ADCY10: variants seen among roughly 807,000 people sequenced by gnomAD.
ADCY10 encodes adenylate cyclase 10, also known as adenylate cyclase type 10.
ADCY10 carries 156 observed loss-of-function variants against 183.3 expected under a neutral mutation model. The observed-to-expected ratio is 0.85, with a 90% confidence interval of 0.75 to 0.97. The LOEUF is 0.97. Ranked by LOEUF, ADCY10 falls within the 50% of genes least tolerant of loss-of-function variation. The probability of loss-of-function intolerance (pLI) is 0.00; values close to 1 mark genes in which losing one functional copy is unlikely to be tolerated. For missense variants in ADCY10, 1,745 were observed against 1,934.3 expected, an observed-to-expected ratio of 0.90 and a Z score of 1.84; for synonymous variants, 645 against 670.0, an observed-to-expected ratio of 0.96 and a Z score of 0.58.
chr1:167,862,005 C>G (rs753833990), intron 14 of ADCY10, among the ~76,000 whole-genome samples: 1 of 152,192 alleles, frequency 6.6e-6, no homozygotes, highest in Admixed American at 6.5e-5. Flanking sequence ...CTGAGGCCTC[C>G]CTAGCCATGT....
intron 18 of ADCY10, among the ~76,000 whole-genome samples, chr1:167,849,024 GC>G (rs1232589231): frequency 1.3e-4 from 19 of 151,180 alleles, no homozygotes; most frequent in African/African-American, 4.6e-4. Context: ...TGCCAACCCT[GC>G]CCAACCAAAA....
chr1:167,879,048 C>A (rs1272182273), intron 11 of ADCY10, among the ~76,000 whole-genome samples: 3 of 152,218 alleles, frequency 2.0e-5, no homozygotes, highest in Non-Finnish European at 4.4e-5. Context: ...CTGCATGCTC[C>A]TATGAATAAA....
intron 8 of ADCY10, among the ~76,000 whole-genome samples, chr1:167,891,972 TTTTC>T (rs1668627298): frequency 6.7e-6 from 1 of 148,874 alleles, no homozygotes; most frequent in African/African-American, 2.6e-5. Context: ...AATTTTTTTC[TTTTC>T]TTTTTTTTTT....
At chr1:167,847,973 A>G (rs964960148) in intron 19 of ADCY10, among the ~76,000 whole-genome samples, 10 of 152,216 alleles carry the variant, frequency 6.6e-5, no homozygotes, top group Non-Finnish European at 1.2e-4. Context: ...CAAACAACCA[A>G]TGTTGCTGTT....
At chr1:167,874,245 C>G (rs1470912648) in intron 13 of ADCY10, among the ~76,000 whole-genome samples, 1 of 152,148 alleles carries the variant, frequency 6.6e-6, no homozygotes, top group African/African-American at 2.4e-5. Flanking sequence ...TCCTGAGAAT[C>G]ACTTGAACCC....
At chr1:167,838,520 T>C (rs1267055017) in intron 21 of ADCY10, among the ~76,000 whole-genome samples, 1 of 152,206 alleles carries the variant, frequency 6.6e-6, no homozygotes, top group Non-Finnish European at 1.5e-5. Flanking sequence ...TTGTGTGTTA[T>C]AAGGGAATTG....
chr1:167,861,179 T>C (rs1363491200), intron 14 of ADCY10, 116 bp from the exon 15 acceptor site: 1 of 884,442 alleles, frequency 1.1e-6, no homozygotes, highest in East Asian at 2.6e-5. Flanking sequence ...ATGGAGATTT[T>C]CCAAGCTATC....
At chr1:167,861,977 G>A (rs901432838) in intron 14 of ADCY10, among the ~76,000 whole-genome samples, 7 of 152,164 alleles carry the variant, frequency 4.6e-5, no homozygotes, top group Admixed American at 4.6e-4. Context: ...TTTGCCTTCT[G>A]TCATGATTAT....
intron 30 of ADCY10, 117 bp downstream of exon 30, chr1:167,821,907 C>T: frequency 1.3e-6 from 1 of 770,328 alleles, no homozygotes; most frequent in Non-Finnish European, 2.3e-6. Flanking sequence ...TCCTCTGACA[C>T]CCTTAAGCTG....
chr1:167,822,958 C>A (rs139943788), intron 29 of ADCY10, 50 bp downstream of exon 29: 1 of 1,512,932 alleles, frequency 6.6e-7, no homozygotes, highest in South Asian at 1.1e-5. Context: ...ACCACACCAG[C>A]ACAGGTATCA....
chr1:167,815,639 A>G (rs1443588712), intron 31 of ADCY10, among the ~76,000 whole-genome samples: 2 of 152,220 alleles, frequency 1.3e-5, no homozygotes, highest in African/African-American at 4.8e-5. Context: ...GGCTATCAAG[A>G]AAAATTACAA....
intron 24 of ADCY10, among the ~76,000 whole-genome samples, chr1:167,833,744 CAAAAAA>C (rs539820019): frequency 1.0e-5 from 1 of 98,430 alleles, no homozygotes; most frequent in Non-Finnish European, 2.3e-5. Flanking sequence ...GACTCCCTCT[CAAAAAA>C]AAAAAAAAAA....
At chr1:167,824,379 C>A in intron 28 of ADCY10, 97 bp downstream of exon 28, 1 of 1,002,668 alleles carries the variant, frequency 1.0e-6, no homozygotes, top group Non-Finnish European at 1.6e-6. Context: ...AAACTCTACT[C>A]CCTTCCCCAC....
At chr1:167,863,635 G>A (rs1044461051) in intron 14 of ADCY10, among the ~76,000 whole-genome samples, 10 of 152,310 alleles carry the variant, frequency 6.6e-5, no homozygotes, top group Admixed American at 1.3e-4. Flanking sequence ...CTCCTTAGGC[G>A]GCTTTAGCCT....
intron 8 of ADCY10, among the ~76,000 whole-genome samples, chr1:167,892,752 C>A (rs1668684184): frequency 6.6e-6 from 1 of 152,118 alleles, no homozygotes; most frequent in Non-Finnish European, 1.5e-5. Context: ...CTGGACAGGC[C>A]TTTGTTACAA....
chr1:167,907,889 T>G (rs1304618681), intron 1 of ADCY10, among the ~76,000 whole-genome samples: 1 of 152,234 alleles, frequency 6.6e-6, no homozygotes, highest in African/African-American at 2.4e-5. Context: ...CAATCACACC[T>G]AATGGAAATT....
chr1:167,835,359 C>T (rs1303634565), intron 23 of ADCY10, among the ~76,000 whole-genome samples: 1 of 152,222 alleles, frequency 6.6e-6, no homozygotes, highest in Non-Finnish European at 1.5e-5. Context: ...CTAAAGGCAT[C>T]TATTTACCTG....
chr1:167,899,540 C>G lies in ADCY10; in HGVS notation c.525G>C (p.Val175=). ...FLVIGQAVDD[V]RLAQNMAQMN... Reference sequence around the variant, plus strand: ...TCTGAGCCATGTTCTGGGCAAGGCGCACATCGTCCACTGCCTGACCAATCA... The same window carrying G: ...TCTGAGCCATGTTCTGGGCAAGGCGGACATCGTCCACTGCCTGACCAATCA... The change falls in exon 6 of 33, where the codon GTG becomes GTC. Residue 175 remains valine, a synonymous_variant. Transcript: ENST00000367851. The G allele has an allele frequency of 6.2e-7, 1 of 1,614,224 alleles. No homozygotes were observed. Among genetic ancestry groups the G allele is most frequent in the Non-Finnish European group, 8.5e-7 (1 of 1,180,050 alleles).
chr1:167,872,685 G>A (rs916725184), intron 13 of ADCY10, among the ~76,000 whole-genome samples: 1 of 151,110 alleles, frequency 6.6e-6, no homozygotes, highest in Non-Finnish European at 1.5e-5. Flanking sequence ...GACAATCTGT[G>A]TTTGGTTATA....
Sources: allele counts gnomAD v4.1 joint callset (sites outside exome capture counted in the v4.1 genomes callset), GRCh38; gene constraint gnomAD v4.1.1; transcripts MANE v1.5; gene names NCBI Gene and HGNC (gene_info 2026-07-23, HGNC 2026-07-21).